ALK: variants seen among roughly 807,000 people sequenced by gnomAD.
ALK encodes ALK receptor tyrosine kinase.
Under a neutral mutation model 163.1 loss-of-function variants are expected in ALK, and 74 were observed. The ratio of observed to expected loss-of-function variants is 0.45; its 90% confidence interval spans 0.38 to 0.55. ALK has a LOEUF of 0.55. Among genes scored for constraint, ALK ranks in the 20% least tolerant of loss-of-function variants. The pLI, the probability that ALK is intolerant of heterozygous loss-of-function variation, is 0.00. For synonymous variants in ALK, 960 were observed against 843.2 expected (o/e 1.14, Z -2.40); for missense variants, 2,063 against 2,105.3 (o/e 0.98, Z 0.39).
chr2:29,553,611 T>C (rs1673770341), intron 3 of ALK, among the ~76,000 whole-genome samples: 1 of 152,188 alleles, frequency 6.6e-6, no homozygotes, highest in Non-Finnish European at 1.5e-5. Flanking sequence ...TTGCATACAC[T>C]CAATGCCTAG....
At chr2:29,324,422 T>A (rs1667185292) in intron 6 of ALK, among the ~76,000 whole-genome samples, 1 of 152,254 alleles carries the variant, frequency 6.6e-6, no homozygotes, top group African/African-American at 2.4e-5. Flanking sequence ...CAGTTATCTC[T>A]GAATGTTTGA....
At chr2:29,710,363 G>A (rs1679040187) in intron 2 of ALK, among the ~76,000 whole-genome samples, 1 of 152,042 alleles carries the variant, frequency 6.6e-6, no homozygotes, top group South Asian at 2.1e-4. Context: ...ACCATCTCCT[G>A]GTTCTCCTCC....
At chr2:29,302,860 A>G (rs1479267250) in intron 8 of ALK, among the ~76,000 whole-genome samples, 1 of 152,248 alleles carries the variant, frequency 6.6e-6, no homozygotes, top group Non-Finnish European at 1.5e-5. Flanking sequence ...CTCGCCATAT[A>G]CAAAAATTAA....
At chr2:29,481,865 C>A (rs1671669277) in intron 4 of ALK, among the ~76,000 whole-genome samples, 1 of 152,176 alleles carries the variant, frequency 6.6e-6, no homozygotes, top group South Asian at 2.1e-4. Context: ...TAAAACTCAG[C>A]AACAGAATGA....
chr2:29,411,839 C>G (rs937398258), intron 4 of ALK, among the ~76,000 whole-genome samples: 5 of 152,196 alleles, frequency 3.3e-5, no homozygotes, highest in Non-Finnish European at 7.3e-5. Context: ...CAGCTTACAG[C>G]CTTGTTGATT....
At chr2:29,399,669 G>C (rs1669395413) in intron 4 of ALK, among the ~76,000 whole-genome samples, 1 of 152,196 alleles carries the variant, frequency 6.6e-6, no homozygotes, top group South Asian at 2.1e-4. Context: ...GTGTCTGCCT[G>C]CTGTGTGTGC....
chr2:29,446,098 C>CAAAAAA (rs60360983), intron 4 of ALK, among the ~76,000 whole-genome samples: 4 of 17,214 alleles, frequency 2.3e-4, no homozygotes, highest in Non-Finnish European at 4.4e-4. Context: ...GACTCCGTCT[C>CAAAAAA]AAAAAAAAAA....
chr2:29,535,853 CTCT>C (rs1573437681), intron 3 of ALK, among the ~76,000 whole-genome samples: 1 of 152,126 alleles, frequency 6.6e-6, no homozygotes, highest in Non-Finnish European at 1.5e-5. Context: ...AAGTCCTAAA[CTCT>C]TCTTCTCATA....
intron 3 of ALK, among the ~76,000 whole-genome samples, chr2:29,591,614 T>G (rs1260054880): frequency 1.3e-5 from 2 of 152,046 alleles, no homozygotes; most frequent in Non-Finnish European, 2.9e-5. Context: ...AGCTCTAAGA[T>G]GGCATTTTGA....
chr2:29,305,499 G>A (rs541975183), intron 8 of ALK, among the ~76,000 whole-genome samples: 9 of 152,310 alleles, frequency 5.9e-5, no homozygotes, highest in Non-Finnish European at 1.3e-4. Context: ...CTCACTGTAT[G>A]TGGTTCCTAG....
At chr2:29,831,431 G>A (rs1665417590) in intron 1 of ALK, among the ~76,000 whole-genome samples, 1 of 151,866 alleles carries the variant, frequency 6.6e-6, no homozygotes, top group South Asian at 2.1e-4. Context: ...ATGCTTTAGA[G>A]CTTCTCTCTT....
At chr2:29,244,936 C>T (rs904804277) in intron 12 of ALK, among the ~76,000 whole-genome samples, 1 of 152,288 alleles carries the variant, frequency 6.6e-6, no homozygotes, top group Non-Finnish European at 1.5e-5. Context: ...GCCTTTCTAC[C>T]AGTCTAGTCA....
At chr2:29,231,983 G>A (rs1664221766) in intron 15 of ALK, among the ~76,000 whole-genome samples, 1 of 152,170 alleles carries the variant, frequency 6.6e-6, no homozygotes. Context: ...TAACTGGGGG[G>A]CCCATCTGCC....
At chr2:29,282,153 C>T (rs12185720) in intron 9 of ALK, among the ~76,000 whole-genome samples, 14,262 of 152,160 alleles carry the variant, frequency 0.094, 705 homozygotes, top group South Asian at 0.12. Context: ...TCCCTTTTTG[C>T]TGCTGGTGCT....
intron 2 of ALK, among the ~76,000 whole-genome samples, chr2:29,703,921 C>T (rs573828046): frequency 6.6e-6 from 1 of 152,288 alleles, no homozygotes; most frequent in African/African-American, 2.4e-5. Flanking sequence ...CTCCTGGTTG[C>T]AGAAGTCTTT....
chr2:29,650,859 T>C lies in ALK; in HGVS notation c.952+43991A>G, dbSNP rs539256619. Reference sequence around the variant, plus strand: ...ATAGGGCTACTTTTAATGTGCTTGGTAACAATTAGCTCTTGAAGCTGCAAC... The same window carrying C: ...ATAGGGCTACTTTTAATGTGCTTGGCAACAATTAGCTCTTGAAGCTGCAAC... On this transcript the variant is annotated intron_variant, in intron 3 of 28. Coordinates refer to ENST00000389048, the MANE Select transcript of ALK (RefSeq NM_004304.5). 1.8e-4 allele frequency among the ~76,000 whole-genome samples: 28 copies of C among 152,256 alleles called. 1 individual carries two copies. The South Asian group carries it at 5.8e-3, about 32-fold the overall frequency.
intron 1 of ALK, among the ~76,000 whole-genome samples, chr2:29,887,385 G>A (rs1667012086): frequency 2.0e-5 from 3 of 152,172 alleles, no homozygotes; most frequent in Admixed American, 2.0e-4. Context: ...TTAAATGGCG[G>A]CTGGCTTCTC....
intron 4 of ALK, among the ~76,000 whole-genome samples, chr2:29,494,843 C>CGTGTGTGTGTGTGTGTGTGTGT (rs35306598): frequency 3.4e-5 from 5 of 147,208 alleles, no homozygotes; most frequent in African/African-American, 1.0e-4. Context: ...TTTAGAGACT[C>CGTGTGTGTGTGTGTGTGTGTGT]GTGTGTGTGT....
chr2:29,579,884 G>A (rs957298648), intron 3 of ALK, among the ~76,000 whole-genome samples: 2 of 152,128 alleles, frequency 1.3e-5, no homozygotes, highest in Non-Finnish European at 2.9e-5. Flanking sequence ...ACTCATTGTA[G>A]GAAAAGCAAT....
Sources: allele counts gnomAD v4.1 joint callset (sites outside exome capture counted in the v4.1 genomes callset), GRCh38; gene constraint gnomAD v4.1.1; transcripts MANE v1.5; gene names NCBI Gene and HGNC (gene_info 2026-07-23, HGNC 2026-07-21).